Variants in TP73 observed in about 807,000 individuals in gnomAD.
TP73 encodes tumor protein p73, also known as p53-like transcription factor.
Under a neutral mutation model 62.5 loss-of-function variants are expected in TP73, and 25 were observed. That is an observed-to-expected ratio of 0.40 (90% CI 0.29 to 0.56). The LOEUF is 0.56. Among genes scored for constraint, TP73 ranks in the 20% least tolerant of loss-of-function variants. The probability of loss-of-function intolerance (pLI) is 0.46; values close to 1 mark genes in which losing one functional copy is unlikely to be tolerated. For missense variants in TP73, 754 were observed against 913.3 expected, an observed-to-expected ratio of 0.83 and a Z score of 2.25; for synonymous variants, 423 against 377.5, an observed-to-expected ratio of 1.12 and a Z score of -1.40.
chr1:3,682,235 AG>A, intron 1 of TP73, 97 bp from the exon 2 acceptor site: 1 of 873,356 alleles, frequency 1.1e-6, no homozygotes, highest in Non-Finnish European at 1.6e-6. Flanking sequence ...GGGATGCCCC[AG>A]GCAGGCCCAC....
intron 7 of TP73, 168 bp from the exon 8 acceptor site, chr1:3,727,460 G>A (rs1641744183): frequency 9.2e-7 from 1 of 1,090,128 alleles, no homozygotes; most frequent in Non-Finnish European, 1.3e-6. Context: ...TCACAGCTTT[G>A]AGCCTCTGAC....
intron 3 of TP73, among the ~76,000 whole-genome samples, chr1:3,704,086 T>G (rs1041427730): frequency 6.6e-6 from 1 of 152,176 alleles, no homozygotes; most frequent in Non-Finnish European, 1.5e-5. Flanking sequence ...CTTGTTCGTT[T>G]GTTCTGCCAG....
intron 6 of TP73, among the ~76,000 whole-genome samples, chr1:3,725,061 G>T (rs1418797132): frequency 2.0e-5 from 3 of 152,068 alleles, no homozygotes; most frequent in Non-Finnish European, 4.4e-5. Context: ...CAGCTGTACT[G>T]CAAAATCCCT....
chr1:3,669,474 C>T (rs1645192800), intron 1 of TP73, among the ~76,000 whole-genome samples: 1 of 152,230 alleles, frequency 6.6e-6, no homozygotes, highest in Non-Finnish European at 1.5e-5. Context: ...ACCCCTTGGA[C>T]CCACCAGGAG....
In TP73 at chr1:3,728,107, C is replaced by T. The variant is rs750081122; in HGVS notation, c.986-22C>T. On this transcript the variant is annotated intron_variant, in intron 8 of 13. Coordinates refer to ENST00000378295, the MANE Select transcript of TP73 (RefSeq NM_005427.4). Reference sequence around the variant, plus strand: ...CCTCTGGTCCTGCCTGCTCACCCCGCCTGCCCTGCCTGGCCTTCCAGCCTT... The same window carrying T: ...CCTCTGGTCCTGCCTGCTCACCCCGTCTGCCCTGCCTGGCCTTCCAGCCTT... 2.7e-5 allele frequency: 44 copies of T among 1,601,030 alleles called. 1 individual carries two copies. In the Admixed American group the frequency reaches 7.4e-4, roughly 27 times the overall value.
intron 3 of TP73, chr1:3,690,836 C>G: frequency 6.5e-7 from 1 of 1,547,196 alleles, no homozygotes. Flanking sequence ...TCCCCTCGGG[C>G]CGCCCAGATC....
chr1:3,729,481 G>A (rs2124533940), intron 10 of TP73, 33 bp downstream of exon 10: 1 of 1,611,786 alleles, frequency 6.2e-7, no homozygotes. Context: ...TCAGTGTGGG[G>A]AAGGAGGACA....
At position 3,698,128 on chromosome 1, in the gene TP73, G is replaced by A. The variant is rs968364426; in HGVS notation, c.187-9421G>A. 18 of 985,412 alleles carry A rather than the reference G, an allele frequency of 1.8e-5. No individual in the cohort carries two copies. In the Admixed American group the frequency reaches 1.8e-4, roughly 10 times the overall value. 61.0% of individuals were successfully genotyped at this position (985,412 alleles called of 1,614,324 possible). On this transcript the variant is annotated intron_variant, in intron 3 of 13. Transcript: ENST00000378295. ...ACAGCAGGAGGCTGTTACAGGTGGCGCCTGATTCACATCTGCAGGACAGGT... is the reference window on the plus strand; with the variant it reads ...ACAGCAGGAGGCTGTTACAGGTGGCACCTGATTCACATCTGCAGGACAGGT...
chr1:3,704,083 G>A (rs1162195319), intron 3 of TP73, among the ~76,000 whole-genome samples: 9 of 152,164 alleles, frequency 5.9e-5, no homozygotes, highest in Admixed American at 5.2e-4. Context: ...TCGCTTGTTC[G>A]TTTGTTCTGC....
At position 3,663,419 on chromosome 1, in the gene TP73, T is replaced by C. The variant is rs971971555; in HGVS notation, c.-34+10778T>C. Among the ~76,000 whole-genome samples, 1 of 152,110 alleles carries C rather than the reference T, an allele frequency of 6.6e-6. No homozygotes were observed. Among genetic ancestry groups the C allele is most frequent in the East Asian group, 1.9e-4 (1 of 5,188 alleles). On this transcript the variant is annotated intron_variant, in intron 1 of 13. Coordinates refer to ENST00000378295, the MANE Select transcript of TP73 (RefSeq NM_005427.4). This position sits in a 1 kb window ranked among gnomAD's most constrained non-coding sequence, Gnocchi z 4.7. ...GGGGTGTGGACAGCACGGAGCGTGA[T>C]GAAAGGATACAGGCGGCTGGGCGTG... is the stretch of plus-strand genomic sequence containing the variant.
chr1:3,680,516 T>C (rs1057464099), intron 1 of TP73, among the ~76,000 whole-genome samples: 3 of 152,198 alleles, frequency 2.0e-5, no homozygotes, highest in African/African-American at 7.2e-5. Flanking sequence ...AGGGAATTTC[T>C]TTCCTCCGAG....
chr1:3,707,726 C>A lies in TP73; in HGVS notation c.364C>A (p.Pro122Thr). The A allele has an allele frequency of 6.2e-7, 1 of 1,613,300 alleles. No homozygotes were observed. The highest frequency in any genetic ancestry group is 1.3e-5 in the African/African-American group (1 of 75,052). Residue 122 changes from proline (P) to threonine (T), a missense_variant, in exon 4 of 14, where the codon CCC (proline) becomes ACC (threonine). Pro to Thr is a conservative substitution (Grantham distance 38, BLOSUM62 -1). Transcript: ENST00000378295. ...TGTCATCCCCTCCAACACCGACTAC[C>A]CCGGACCCCACCACTTTGAGGTCAC... ...APVIPSNTDY[P>T]GPHHFEVTFQ...
intron 4 of TP73, among the ~76,000 whole-genome samples, chr1:3,718,020 C>T (rs900316193): frequency 1.3e-5 from 2 of 152,192 alleles, no homozygotes; most frequent in Non-Finnish European, 2.9e-5. Context: ...CTCACATCGC[C>T]TGAGGACAGG....
intron 4 of TP73, among the ~76,000 whole-genome samples, chr1:3,709,242 T>C (rs974862318): frequency 2.0e-5 from 3 of 152,260 alleles, no homozygotes; most frequent in African/African-American, 7.2e-5. Flanking sequence ...CAGCCCGGAC[T>C]CGCTGGGCTT....
chr1:3,679,901 G>A (rs969001138), intron 1 of TP73, among the ~76,000 whole-genome samples: 2 of 147,956 alleles, frequency 1.4e-5, no homozygotes, highest in African/African-American at 5.0e-5. Context: ...CCGTCTCTCT[G>A]TCTCTCTTCC....
At chr1:3,669,686 C>A (rs732901) in intron 1 of TP73, among the ~76,000 whole-genome samples, 3 of 152,188 alleles carry the variant, frequency 2.0e-5, no homozygotes, top group African/African-American at 7.2e-5. Flanking sequence ...CCGGCACTCA[C>A]GCAGCTACTC....
intron 1 of TP73, among the ~76,000 whole-genome samples, chr1:3,660,581 A>G (rs1644968195): frequency 6.6e-6 from 1 of 152,252 alleles, no homozygotes; most frequent in Admixed American, 6.5e-5. Flanking sequence ...GAGAAAAGTC[A>G]TCATTTCAAT....
chr1:3,728,801 C>A (rs1367014815), intron 9 of TP73, among the ~76,000 whole-genome samples: 1 of 152,116 alleles, frequency 6.6e-6, no homozygotes, highest in Non-Finnish European at 1.5e-5. Context: ...ATGGTGAGAA[C>A]CCATCTCTAC....
Position 3,701,954 on chromosome 1 carries a change from G to A in TP73, c.187-5595G>A, listed in dbSNP as rs1639205975. Among the ~76,000 whole-genome samples the A allele has an allele frequency of 6.6e-6, 1 of 152,210 alleles. No individual in the cohort carries two copies. The highest frequency in any genetic ancestry group is 2.4e-5 in the African/African-American group (1 of 41,452). ...GCCCTGCTTGGCCCCCCAGGTCCCT[G>A]GGAGGTCTCTCCTGCCCCTCTCCTG... On this transcript the variant is annotated intron_variant, in intron 3 of 13. Transcript: ENST00000378295. The surrounding 1 kb of genome is among the most constrained non-coding windows in gnomAD (Gnocchi z 4.7).
Sources: allele counts gnomAD v4.1 joint callset (sites outside exome capture counted in the v4.1 genomes callset), GRCh38; gene constraint gnomAD v4.1.1; non-coding constraint Gnocchi (gnomAD v3.1); transcripts MANE v1.5; gene names NCBI Gene and HGNC (gene_info 2026-07-23, HGNC 2026-07-21).